Variants in CACNA1C observed in about 807,000 individuals in gnomAD.
CACNA1C encodes the protein calcium voltage-gated channel subunit alpha1 C, also known as voltage-dependent L-type calcium channel subunit alpha-1C.
Under a neutral mutation model 229.0 loss-of-function variants are expected in CACNA1C, and 30 were observed. The observed-to-expected ratio is 0.13, with a 90% CI of 0.10 to 0.18. The LOEUF is 0.18. Ranked by LOEUF, CACNA1C falls within the 10% of genes least tolerant of loss-of-function variation. The pLI is 1.00. For synonymous variants in CACNA1C, 1,114 were observed against 1,132.5 expected, an observed-to-expected ratio of 0.98 and a Z score of 0.33; for missense variants, 1,658 against 2,845.0, an observed-to-expected ratio of 0.58 and a Z score of 9.49.
At chr12:2,125,086 G>A (rs1382836639) in intron 3 of CACNA1C, among the ~76,000 whole-genome samples, 1 of 152,160 alleles carries the variant, frequency 6.6e-6, no homozygotes, top group Non-Finnish European at 1.5e-5. Context: ...GAGGGTGGAG[G>A]AAGAGGAGCA....
At position 2,053,128 on chromosome 12, in the gene CACNA1C, G is replaced by C; in HGVS notation, c.-435G>C. 1 of 984,958 alleles carries C rather than the reference G, an allele frequency of 1.0e-6. No homozygotes were observed. The highest frequency in any genetic ancestry group is 1.2e-6 in the Non-Finnish European group (1 of 829,742). 61.0% of individuals were successfully genotyped at this position (984,958 alleles called of 1,614,324 possible). On this transcript the variant is annotated 5_prime_UTR_variant, in exon 1 of 47. Transcript: ENST00000399655. The surrounding 1 kb of genome is among the most constrained non-coding windows in gnomAD (Gnocchi z 5.8). Reference sequence around the variant, plus strand: ...GCTCCCTTTGACAGCAGAGAGCCGGGCAGGGGCCTCAGGAGGACTCGCTGG... The same window carrying C: ...GCTCCCTTTGACAGCAGAGAGCCGGCCAGGGGCCTCAGGAGGACTCGCTGG...
At chr12:2,424,665 A>G (rs1595902380) in intron 3 of CACNA1C, among the ~76,000 whole-genome samples, 1 of 152,124 alleles carries the variant, frequency 6.6e-6, no homozygotes, top group East Asian at 1.9e-4. Context: ...TCACTTCTCC[A>G]AGAGCTTCAG....
chr12:2,052,684 C>G (rs1281562851), upstream of CACNA1C, among the ~76,000 whole-genome samples: 2 of 145,034 alleles, frequency 1.4e-5, no homozygotes, highest in Non-Finnish European at 3.1e-5. Flanking sequence ...GGGCTCCTCA[C>G]GCCGCCCCTC....
chr12:2,447,144 C>T (rs1341181458), intron 3 of CACNA1C, among the ~76,000 whole-genome samples: 1 of 152,172 alleles, frequency 6.6e-6, no homozygotes, highest in Admixed American at 6.5e-5. Context: ...CCACAAACAT[C>T]CTCAGGTTCC....
At position 2,428,251 on chromosome 12, in the gene CACNA1C, C is replaced by T. The variant is rs377525515; in HGVS notation, c.478-20725C>T. On this transcript the variant is annotated intron_variant, in intron 3 of 46. Transcript: ENST00000399655. Reference sequence around the variant, plus strand: ...TCTGTGCCATCCCTACCCTGCAAACCCCTGCTTTAACCAGGTCTAATGGGC... The same window carrying T: ...TCTGTGCCATCCCTACCCTGCAAACTCCTGCTTTAACCAGGTCTAATGGGC... Among the ~76,000 whole-genome samples the T allele has an allele frequency of 9.2e-5, 14 of 152,304 alleles. No homozygotes were observed. The East Asian group carries it at 1.5e-3, about 17-fold the overall frequency.
intron 22 of CACNA1C, chr12:2,603,675 GA>G (rs2153417460): frequency 6.6e-6 from 1 of 152,322 alleles, no homozygotes; most frequent in East Asian, 1.9e-4. Context: ...GAGACTCCGA[GA>G]AGCTCTGGCT....
chr12:2,417,881 G>A (rs549366403), intron 3 of CACNA1C, among the ~76,000 whole-genome samples: 18 of 152,032 alleles, frequency 1.2e-4, no homozygotes, highest in African/African-American at 4.3e-4. Flanking sequence ...ATGGCAAGGG[G>A]GGCCTCCCAG....
At chr12:2,070,682 A>G (rs2060848586) in intron 1 of CACNA1C, among the ~76,000 whole-genome samples, 1 of 152,182 alleles carries the variant, frequency 6.6e-6, no homozygotes, top group Non-Finnish European at 1.5e-5. Context: ...TTTTGAAAAG[A>G]TATATTAGTG....
intron 3 of CACNA1C, among the ~76,000 whole-genome samples, chr12:2,153,302 C>CTT (rs1013606683): frequency 6.7e-6 from 1 of 148,660 alleles, no homozygotes; most frequent in Non-Finnish European, 1.5e-5. Context: ...ATGGAGGCTA[C>CTT]TTTTTTTTTT....
intron 13 of CACNA1C, among the ~76,000 whole-genome samples, chr12:2,580,598 T>C (rs1856307926): frequency 1.3e-5 from 2 of 152,196 alleles, no homozygotes; most frequent in South Asian, 2.1e-4. Flanking sequence ...GAGCTGACCC[T>C]CACACAGGTG....
At chr12:2,041,783 C>T (rs1424643593) in intron 1 of CACNA1C, among the ~76,000 whole-genome samples, 1 of 152,242 alleles carries the variant, frequency 6.6e-6, no homozygotes, top group East Asian at 1.9e-4. Context: ...AGGTCTGTAG[C>T]CCTGGCCTTC....
chr12:2,072,353 C>T (rs1034553163), intron 1 of CACNA1C, among the ~76,000 whole-genome samples: 16 of 152,034 alleles, frequency 1.1e-4, no homozygotes, highest in African/African-American at 3.9e-4. Flanking sequence ...CACACGCCAC[C>T]GTGCCTGGCT....
At chr12:2,357,970 C>CA (rs34774514) in intron 3 of CACNA1C, among the ~76,000 whole-genome samples, 1,689 of 106,248 alleles carry the variant, frequency 0.016, 32 homozygotes, top group African/African-American at 0.048. Context: ...AACTCAGTCT[C>CA]AAAAAAAAAA....
chr12:1,972,851 A>AAAAAGAGAG (rs1491127450), intron 1 of CACNA1C, among the ~76,000 whole-genome samples: 1 of 152,102 alleles, frequency 6.6e-6, no homozygotes, highest in Non-Finnish European at 1.5e-5. Context: ...GGAGAGGGAG[A>AAAAAGAGAG]AAAAGAGAGA....
At chr12:2,615,625 A>ATGAGGC (rs2080097646) in intron 29 of CACNA1C, among the ~76,000 whole-genome samples, 1 of 152,080 alleles carries the variant, frequency 6.6e-6, no homozygotes, top group Admixed American at 6.5e-5. Flanking sequence ...GGCCAACAGG[A>ATGAGGC]TGAGGCTGGG....
At chr12:2,401,090 C>G (rs2098671046) in intron 3 of CACNA1C, among the ~76,000 whole-genome samples, 2 of 152,208 alleles carry the variant, frequency 1.3e-5, no homozygotes, top group Admixed American at 1.3e-4. Flanking sequence ...CTGCCCACAG[C>G]CTTCTCAGAA....
intron 1 of CACNA1C, among the ~76,000 whole-genome samples, chr12:2,000,673 T>C (rs2041987076): frequency 2.0e-5 from 3 of 152,292 alleles, no homozygotes; most frequent in Admixed American, 6.5e-5. Flanking sequence ...CTGGGACCTG[T>C]AGTGGGGTTC....
intron 5 of CACNA1C, among the ~76,000 whole-genome samples, chr12:2,464,552 C>T (rs762200842): frequency 7.9e-5 from 12 of 152,338 alleles, no homozygotes; most frequent in Admixed American, 2.6e-4. Context: ...GTGTCCTCAT[C>T]GTCCCAGACT....
chr12:2,254,912 C>G (rs1409408626), intron 3 of CACNA1C, among the ~76,000 whole-genome samples: 1 of 152,208 alleles, frequency 6.6e-6, no homozygotes, highest in Admixed American at 6.5e-5. Context: ...GAAAGAGATT[C>G]ATCCCGAAGG....
Sources: gnomAD v4.1 joint callset for allele counts (sites outside exome capture counted in the v4.1 genomes callset) on GRCh38, gnomAD v4.1.1 for gene constraint, Gnocchi (gnomAD v3.1) non-coding constraint, MANE v1.5 for transcripts, NCBI Gene and HGNC (gene_info 2026-07-23, HGNC 2026-07-21) for gene names.